The following AP3B1 variants were observed in gnomAD, a reference collection of about 807,000 sequenced individuals.
AP3B1 encodes the protein adaptor related protein complex 3 subunit beta 1, also known as AP-3 complex subunit beta-1.
Under a neutral mutation model 132.5 loss-of-function variants are expected in AP3B1, and 61 were observed. That is an observed-to-expected ratio of 0.46 (90% CI 0.37 to 0.57). The LOEUF (loss-of-function observed/expected upper bound fraction) is 0.57, where lower values mean the gene tolerates loss of function less well. Ranked by LOEUF, AP3B1 falls within the 20% of genes least tolerant of loss-of-function variation. AP3B1 has a pLI of 0.00. For synonymous variants in AP3B1, 388 were observed against 438.3 expected (o/e 0.89, Z 1.43); for missense variants, 1,120 against 1,289.4 (o/e 0.87, Z 2.01).
intron 22 of AP3B1, among the ~76,000 whole-genome samples, chr5:78,041,529 C>T (rs926908308): frequency 2.0e-5 from 3 of 150,514 alleles, no homozygotes; most frequent in East Asian, 2.0e-4. Flanking sequence ...ACTGCACTCC[C>T]GCCTGGGTGA....
At chr5:78,269,781 C>T (rs912917502) in intron 1 of AP3B1, among the ~76,000 whole-genome samples, 1 of 152,170 alleles carries the variant, frequency 6.6e-6, no homozygotes, top group African/African-American at 2.4e-5. Flanking sequence ...AGAATAAGCA[C>T]ATTGAGAACC....
chr5:78,062,764 G>A (rs1001923771), intron 22 of AP3B1, among the ~76,000 whole-genome samples: 6 of 152,146 alleles, frequency 3.9e-5, no homozygotes, highest in African/African-American at 1.4e-4. Flanking sequence ...GCAGTTCAGG[G>A]TTTTTGAGAG....
chr5:78,078,784 G>A (rs1434118250), intron 22 of AP3B1, among the ~76,000 whole-genome samples: 2 of 152,172 alleles, frequency 1.3e-5, no homozygotes, highest in Non-Finnish European at 1.5e-5. Flanking sequence ...CCTGTTATCT[G>A]TAATTCCTAG....
chr5:78,133,017 G>A lies in AP3B1; in HGVS notation c.1651-3710C>T, dbSNP rs79684868. On this transcript the variant is annotated intron_variant, in intron 15 of 26. Coordinates refer to ENST00000255194, the MANE Select transcript of AP3B1 (RefSeq NM_003664.5). ...CCACTCTCTTTAATGACCTAGGACA[G>A]GACTATTCAGTCTTTACTCCTGCAC... Among the ~76,000 whole-genome samples, 11 of 152,270 alleles carry A rather than the reference G, an allele frequency of 7.2e-5. No individual in the cohort carries two copies. The East Asian group carries it at 1.5e-3, about 21-fold the overall frequency.
intron 11 of AP3B1, among the ~76,000 whole-genome samples, chr5:78,170,138 T>G (rs1743848578): frequency 6.6e-6 from 1 of 152,214 alleles, no homozygotes; most frequent in Non-Finnish European, 1.5e-5. Context: ...TGCCACATTT[T>G]CTTAATTCAG....
chr5:78,101,692 G>A (rs973699405), intron 20 of AP3B1, among the ~76,000 whole-genome samples: 1 of 151,834 alleles, frequency 6.6e-6, no homozygotes, highest in Non-Finnish European at 1.5e-5. Context: ...TTGCTTATTC[G>A]GTCTACTGTA....
At chr5:78,092,496 AT>A (rs1379838158) in intron 21 of AP3B1, among the ~76,000 whole-genome samples, 2 of 152,352 alleles carry the variant, frequency 1.3e-5, no homozygotes, top group African/African-American at 4.8e-5. Context: ...TTTAAAAAAA[AT>A]GTCATAGTAT....
At chr5:78,014,425 A>G (rs993087647) in intron 26 of AP3B1, among the ~76,000 whole-genome samples, 6 of 152,084 alleles carry the variant, frequency 3.9e-5, no homozygotes, top group African/African-American at 7.2e-5. Flanking sequence ...CCAAACACAT[A>G]AGGAATGTAA....
intron 17 of AP3B1, among the ~76,000 whole-genome samples, chr5:78,122,877 C>T (rs1240892363): frequency 6.6e-6 from 1 of 152,222 alleles, no homozygotes; most frequent in East Asian, 1.9e-4. Flanking sequence ...AAGAAAGAGT[C>T]CGCATCGCCA....
At chr5:78,139,776 C>T (rs915045335) in intron 15 of AP3B1, among the ~76,000 whole-genome samples, 1 of 151,926 alleles carries the variant, frequency 6.6e-6, no homozygotes, top group Non-Finnish European at 1.5e-5. Flanking sequence ...TAGAGAGATA[C>T]ACAGCAAATA....
In AP3B1 at chr5:78,181,789, C is replaced by A. The variant is rs897415291; in HGVS notation, c.787-127G>T. On this transcript the variant is annotated intron_variant, in intron 7 of 26. Coordinates refer to ENST00000255194, the MANE Select transcript of AP3B1 (RefSeq NM_003664.5). ...TTACCGTAGAATACTTCTGTTTGGGCAATTTAAAAATATTACACAACCTAT... is the reference window on the plus strand; with the variant it reads ...TTACCGTAGAATACTTCTGTTTGGGAAATTTAAAAATATTACACAACCTAT... 16 of 781,282 alleles carry A rather than the reference C, an allele frequency of 2.0e-5. No homozygotes were observed. The Middle Eastern group carries it at 9.4e-4, about 46-fold the overall frequency. 48.4% of individuals were successfully genotyped at this position (781,282 alleles called of 1,614,324 possible). A position where few individuals can be genotyped will look rare whatever the true frequency, so the allele number is the denominator to read the frequency against.
chr5:78,041,323 G>A lies in AP3B1; in HGVS notation c.2578-2049C>T, dbSNP rs1006539424. ...TCTAATCTCAGCACTTCGAGAGGCC[G>A]AGGTAGGAGGATCACTTGAGCCCAG... On this transcript the variant is annotated intron_variant, in intron 22 of 26. Coordinates refer to ENST00000255194, the MANE Select transcript of AP3B1 (RefSeq NM_003664.5). Among the ~76,000 whole-genome samples, 3 of 151,720 alleles carry A rather than the reference G, an allele frequency of 2.0e-5. No homozygotes were observed. In the East Asian group the frequency reaches 5.8e-4, roughly 29 times the overall value.
At chr5:78,128,966 C>T (rs1012579355) in intron 16 of AP3B1, among the ~76,000 whole-genome samples, 155 bp downstream of exon 16, 1 of 151,910 alleles carries the variant, frequency 6.6e-6, no homozygotes, top group African/African-American at 2.4e-5. Context: ...CTTTTGAGAG[C>T]AGATGAATGA....
chr5:78,271,395 T>C (rs1748540056), intron 1 of AP3B1, among the ~76,000 whole-genome samples: 1 of 152,196 alleles, frequency 6.6e-6, no homozygotes, highest in African/African-American at 2.4e-5. Flanking sequence ...CACTCCAGCC[T>C]GGGCAACAAG....
chr5:78,150,954 T>C (rs1753622512), intron 14 of AP3B1, among the ~76,000 whole-genome samples: 1 of 152,212 alleles, frequency 6.6e-6, no homozygotes, highest in Admixed American at 6.5e-5. Context: ...AGTCTCGCTC[T>C]GTCACCCAGA....
chr5:78,232,131 T>C (rs1746673301), intron 3 of AP3B1, among the ~76,000 whole-genome samples: 1 of 152,224 alleles, frequency 6.6e-6, no homozygotes, highest in Non-Finnish European at 1.5e-5. Context: ...ATCTCATCTT[T>C]CCAGATGGCC....
intron 15 of AP3B1, among the ~76,000 whole-genome samples, chr5:78,137,957 T>C (rs368488914): frequency 6.6e-6 from 1 of 151,766 alleles, no homozygotes; most frequent in South Asian, 2.1e-4. Context: ...AATTCAGATC[T>C]ACAAATAAAT....
At chr5:78,223,371 G>C (rs778640678) in intron 6 of AP3B1, among the ~76,000 whole-genome samples, 3 of 151,942 alleles carry the variant, frequency 2.0e-5, no homozygotes, top group Non-Finnish European at 4.4e-5. Context: ...ACAAAGGGTA[G>C]GCCACCAAAG....
chr5:78,076,410 C>A (rs1327721588), intron 22 of AP3B1, among the ~76,000 whole-genome samples: 2 of 152,184 alleles, frequency 1.3e-5, no homozygotes, highest in African/African-American at 4.8e-5. Context: ...TTAGGACTTT[C>A]TCTTAGCTCT....
Sources: gnomAD v4.1 joint callset for allele counts (sites outside exome capture counted in the v4.1 genomes callset) on GRCh38, gnomAD v4.1.1 for gene constraint, MANE v1.5 for transcripts, NCBI Gene and HGNC (gene_info 2026-07-23, HGNC 2026-07-21) for gene names.